Variants in USP48 observed in about 807,000 individuals in gnomAD.
The protein encoded by USP48 is ubiquitin specific peptidase 48.
Under a neutral mutation model 150.7 loss-of-function variants are expected in USP48, and 43 were observed. That is an observed-to-expected ratio of 0.29 (90% confidence interval 0.22 to 0.37). The LOEUF (loss-of-function observed/expected upper bound fraction) is 0.37. Ranked by LOEUF, USP48 falls within the 10% of genes least tolerant of loss-of-function variation. The pLI, the probability that USP48 is intolerant of heterozygous loss-of-function variation, is 1.00. For missense variants in USP48, 813 were observed against 1,249.6 expected (o/e 0.65, Z 5.27); for synonymous variants, 396 against 425.9 (o/e 0.93, Z 0.86).
intron 6 of USP48, among the ~76,000 whole-genome samples, chr1:21,749,461 C>A (rs2097803475): frequency 6.6e-6 from 1 of 152,156 alleles, no homozygotes; most frequent in African/African-American, 2.4e-5. Context: ...TCCTCTCAAC[C>A]CTGCTCCTCC....
intron 25 of USP48, chr1:21,685,848 G>A (rs1230905007): frequency 6.9e-5 from 10 of 145,794 alleles, no homozygotes; most frequent in Admixed American, 4.0e-4. Context: ...CTGGCATGGT[G>A]GCTCATGCCT....
At chr1:21,764,477 G>A (rs913458633) in intron 1 of USP48, among the ~76,000 whole-genome samples, 2 of 151,010 alleles carry the variant, frequency 1.3e-5, no homozygotes, top group African/African-American at 4.9e-5. Flanking sequence ...GGGAGGCCGA[G>A]GCTGGTGGAT....
chr1:21,757,912 CA>C, intron 1 of USP48, 129 bp from the exon 2 acceptor site: 1 of 1,195,698 alleles, frequency 8.4e-7, no homozygotes. Flanking sequence ...ATAAGACACT[CA>C]GTTTGTGAGG....
At chr1:21,706,083 A>C (rs757920398) in intron 18 of USP48, 43 bp downstream of exon 18, 2 of 1,594,718 alleles carry the variant, frequency 1.3e-6, no homozygotes, top group African/African-American at 2.7e-5. Context: ...AGAGTCAACC[A>C]AATCAGTAAC....
chr1:21,712,787 T>C (rs906156719), intron 15 of USP48, among the ~76,000 whole-genome samples: 1 of 151,688 alleles, frequency 6.6e-6, no homozygotes, highest in Non-Finnish European at 1.5e-5. Context: ...CACCATGACA[T>C]CCAGCTAATT....
At chr1:21,707,703 C>A (rs1361361632) in intron 15 of USP48, among the ~76,000 whole-genome samples, 1 of 152,158 alleles carries the variant, frequency 6.6e-6, no homozygotes, top group Non-Finnish European at 1.5e-5. Flanking sequence ...TTTCTAAAGT[C>A]ATATGTTTGT....
At chr1:21,707,049 A>G in intron 15 of USP48, 181 bp from the exon 16 acceptor site, 1 of 769,828 alleles carries the variant, frequency 1.3e-6, no homozygotes, top group South Asian at 2.1e-5. Flanking sequence ...ATTTCATTTT[A>G]ATTCTAAAGG....
intron 12 of USP48, 91 bp downstream of exon 12, chr1:21,723,807 G>A (rs771963056): frequency 9.1e-6 from 11 of 1,204,322 alleles, no homozygotes; most frequent in Non-Finnish European, 1.3e-5. Context: ...CATAGTTTGG[G>A]TCAAATCATC....
intron 23 of USP48, among the ~76,000 whole-genome samples, chr1:21,692,427 C>T (rs1172290342): frequency 1.3e-5 from 2 of 152,190 alleles, no homozygotes; most frequent in African/African-American, 4.8e-5. Context: ...TGGATAATGT[C>T]ACAGCTGCTG....
At chr1:21,755,082 T>C (rs2097828228) in intron 3 of USP48, among the ~76,000 whole-genome samples, 1 of 152,174 alleles carries the variant, frequency 6.6e-6, no homozygotes, top group Admixed American at 6.6e-5. Flanking sequence ...ATTCCTCATT[T>C]CTCTAATTAA....
At chr1:21,767,619 C>T (rs948092640) in intron 1 of USP48, among the ~76,000 whole-genome samples, 14 of 150,638 alleles carry the variant, frequency 9.3e-5, no homozygotes, top group African/African-American at 2.7e-4. Flanking sequence ...CACCGCGACC[C>T]GGCCAGGACT....
chr1:21,780,511 G>A (rs2097911641), intron 1 of USP48, among the ~76,000 whole-genome samples: 1 of 152,008 alleles, frequency 6.6e-6, no homozygotes, highest in African/African-American at 2.4e-5. Flanking sequence ...GAAACCCACC[G>A]AATTGTGCAC....
At chr1:21,777,731 T>C (rs1360259564) in intron 1 of USP48, among the ~76,000 whole-genome samples, 1 of 151,980 alleles carries the variant, frequency 6.6e-6, no homozygotes, top group East Asian at 1.9e-4. Context: ...GAAAAGCTTT[T>C]GTACTGAAAA....
chr1:21,697,240 T>C (rs1057317026), intron 22 of USP48, among the ~76,000 whole-genome samples: 6 of 151,852 alleles, frequency 4.0e-5, no homozygotes, highest in Non-Finnish European at 7.4e-5. Flanking sequence ...AGTTTAGCTC[T>C]AGCCCTGAAT....
chr1:21,714,483 A>T (rs951470091), intron 15 of USP48, among the ~76,000 whole-genome samples: 1 of 152,136 alleles, frequency 6.6e-6, no homozygotes, highest in Non-Finnish European at 1.5e-5. Context: ...GACTGGTCTC[A>T]AAATCATGGG....
chr1:21,679,064 G>C lies in USP48; in HGVS notation c.*353C>G. On this transcript the variant is annotated 3_prime_UTR_variant, in exon 27 of 27. Transcript: ENST00000308271. ...GACCAACGCATCTGGTATGAAACTC[G>C]AGCAAGGAAATATAACAGAACTTTA... 1 of 357,830 alleles carries C rather than the reference G, an allele frequency of 2.8e-6. No homozygotes were observed. The highest frequency in any genetic ancestry group is 7.1e-5 in the East Asian group (1 of 14,062). 22.2% of individuals were successfully genotyped at this position (357,830 alleles called of 1,614,324 possible).
chr1:21,754,595 G>C (rs1375109102), intron 3 of USP48, among the ~76,000 whole-genome samples: 5 of 152,176 alleles, frequency 3.3e-5, no homozygotes, highest in East Asian at 1.9e-4. Flanking sequence ...AGAAGGTAAG[G>C]CTTCTCAGTG....
At chr1:21,704,695 T>C (rs1402161059) in intron 19 of USP48, 2 of 218,936 alleles carry the variant, frequency 9.1e-6, no homozygotes, top group Non-Finnish European at 1.8e-5. Flanking sequence ...ATAAAAAGTT[T>C]TAAATATGCA....
intron 14 of USP48, among the ~76,000 whole-genome samples, chr1:21,719,334 T>C (rs896931049): frequency 3.3e-5 from 5 of 151,640 alleles, no homozygotes; most frequent in Non-Finnish European, 5.9e-5. Flanking sequence ...GTAAAAACTC[T>C]TCAAGTTTGA....
Sources: allele counts gnomAD v4.1 joint callset (sites outside exome capture counted in the v4.1 genomes callset), GRCh38; gene constraint gnomAD v4.1.1; transcripts MANE v1.5; gene names NCBI Gene and HGNC (gene_info 2026-07-23, HGNC 2026-07-21).